Variants in KCNH1 observed in about 807,000 individuals in gnomAD.
KCNH1 encodes the protein potassium voltage-gated channel subfamily H member 1.
KCNH1 carries 27 observed loss-of-function variants against 69.2 expected under a neutral mutation model. The ratio of observed to expected loss-of-function variants is 0.39; its 90% CI spans 0.29 to 0.54. The LOEUF is 0.54. KCNH1 is among the 20% of genes least tolerant of loss of function. KCNH1 has a pLI of 0.68. For missense variants in KCNH1, 798 were observed against 1,261.6 expected (o/e 0.63, Z 5.57); for synonymous variants, 456 against 487.7 (o/e 0.93, Z 0.86).
Position 210,775,409 on chromosome 1 carries a change from T to C in KCNH1, c.2051A>G (p.Tyr684Cys). The change falls in exon 10 of 11, where the codon TAC (tyrosine) becomes TGC (cysteine). Residue 684 changes from tyrosine (Y) to cysteine (C), a missense_variant. Tyr to Cys is a radical substitution (Grantham distance 194). Coordinates refer to ENST00000271751, the MANE Select transcript of KCNH1 (RefSeq NM_172362.3). ...RDALQKVLEFYTAFSHSFSRN... is the reference protein window; with the variant it reads ...RDALQKVLEFCTAFSHSFSRN... ...GGAGAAGGAATGGGAGAAGGCCGTGTAGAATTCCAGCACTTTCTGCAGGGC... is the reference window on the plus strand; with the variant it reads ...GGAGAAGGAATGGGAGAAGGCCGTGCAGAATTCCAGCACTTTCTGCAGGGC... 6.2e-7 allele frequency: 1 copy of C among 1,614,158 alleles called. No homozygotes were observed. Among genetic ancestry groups the C allele is most frequent in the Non-Finnish European group, 8.5e-7 (1 of 1,180,000 alleles).
At chr1:210,992,240 C>T (rs982130006) in intron 6 of KCNH1, among the ~76,000 whole-genome samples, 9 of 152,148 alleles carry the variant, frequency 5.9e-5, no homozygotes, top group South Asian at 2.1e-4. Context: ...AGTACAAGCA[C>T]GTATCTAATA....
chr1:211,060,137 G>A (rs933636158), intron 5 of KCNH1, among the ~76,000 whole-genome samples: 3 of 151,818 alleles, frequency 2.0e-5, no homozygotes, highest in African/African-American at 4.8e-5. Flanking sequence ...AATGATCAGC[G>A]GGTCAATGAA....
At chr1:210,697,651 T>C (rs1681674249) in intron 10 of KCNH1, among the ~76,000 whole-genome samples, 3 of 152,266 alleles carry the variant, frequency 2.0e-5, no homozygotes, top group Non-Finnish European at 4.4e-5. Flanking sequence ...ACTCATGTTA[T>C]TGCCACTCAT....
chr1:210,831,184 T>G (rs1324811204), intron 7 of KCNH1, among the ~76,000 whole-genome samples: 1 of 152,248 alleles, frequency 6.6e-6, no homozygotes, highest in East Asian at 1.9e-4. Context: ...AGGAAAATAC[T>G]GTTGCCAACT....
At chr1:210,883,704 TAAAG>T (rs1686542998) in intron 7 of KCNH1, among the ~76,000 whole-genome samples, 1 of 152,242 alleles carries the variant, frequency 6.6e-6, no homozygotes, top group Admixed American at 6.5e-5. Flanking sequence ...TTGTAATGTG[TAAAG>T]AAAGAGCTAT....
At chr1:210,760,677 A>T (rs1158843039) in intron 10 of KCNH1, among the ~76,000 whole-genome samples, 1 of 152,232 alleles carries the variant, frequency 6.6e-6, no homozygotes, top group African/African-American at 2.4e-5. Context: ...CCTCACGATC[A>T]TGGCAAAAGC....
intron 5 of KCNH1, among the ~76,000 whole-genome samples, chr1:211,027,232 G>GTT (rs1689699969): frequency 6.6e-6 from 1 of 152,050 alleles, no homozygotes; most frequent in Non-Finnish European, 1.5e-5. Flanking sequence ...CTCAGCAAAG[G>GTT]AGATATAAGG....
At chr1:210,791,164 C>A (rs1684204264) in intron 9 of KCNH1, among the ~76,000 whole-genome samples, 1 of 152,144 alleles carries the variant, frequency 6.6e-6, no homozygotes, top group Non-Finnish European at 1.5e-5. Flanking sequence ...AAGAATTGGT[C>A]ATTTCTTGTG....
intron 7 of KCNH1, among the ~76,000 whole-genome samples, chr1:210,915,254 A>G (rs1038471460): frequency 2.6e-5 from 4 of 152,040 alleles, no homozygotes; most frequent in African/African-American, 9.7e-5. Flanking sequence ...TGTCCTTCCT[A>G]TCCACCTCCA....
chr1:210,884,278 C>T (rs1448487839), intron 7 of KCNH1, among the ~76,000 whole-genome samples: 1 of 152,170 alleles, frequency 6.6e-6, no homozygotes, highest in Non-Finnish European at 1.5e-5. Context: ...GTATCTACAT[C>T]AAAGCAACCT....
intron 7 of KCNH1, among the ~76,000 whole-genome samples, chr1:210,836,241 G>T (rs527903835): frequency 6.6e-6 from 1 of 152,192 alleles, no homozygotes; most frequent in South Asian, 2.1e-4. Flanking sequence ...AAGAGAGCAG[G>T]GTTTCAATGA....
chr1:210,841,814 T>C (rs1333243331), intron 7 of KCNH1, among the ~76,000 whole-genome samples: 2 of 152,178 alleles, frequency 1.3e-5, no homozygotes, highest in Non-Finnish European at 2.9e-5. Flanking sequence ...TCCTAATGAA[T>C]TGTTAATACT....
Position 211,103,584 on chromosome 1 carries a change from C to G in KCNH1, c.222G>C (p.Leu74=), listed in dbSNP as rs1421785844. Residue 74 remains leucine (L), a synonymous_variant, in exon 3 of 11, where the codon CTG becomes CTC. Coordinates refer to ENST00000271751, the MANE Select transcript of KCNH1 (RefSeq NM_172362.3). ...SSTCSFMYGE[L]TDKDTIEKVR... ...CTTTTTCAATCGTGTCTTTATCAGT[C>G]AGCTCCCCATACATAAAACTGCAAA... 1.2e-6 allele frequency: 2 copies of G among 1,612,386 alleles called. No individual in the cohort carries two copies. The highest frequency in any genetic ancestry group is 1.7e-6 in the Non-Finnish European group (2 of 1,179,114).
intron 5 of KCNH1, among the ~76,000 whole-genome samples, chr1:211,031,753 A>G (rs977976369): frequency 7.9e-5 from 12 of 152,182 alleles, no homozygotes; most frequent in African/African-American, 2.7e-4. Flanking sequence ...TATTGATGGG[A>G]TGTATCTCAA....
intron 10 of KCNH1, among the ~76,000 whole-genome samples, chr1:210,735,570 G>T (rs1443567486): frequency 6.6e-6 from 1 of 151,920 alleles, no homozygotes; most frequent in Non-Finnish European, 1.5e-5. Context: ...GCATCAGAGG[G>T]CAGAGATTCC....
intron 7 of KCNH1, among the ~76,000 whole-genome samples, chr1:210,807,021 A>AAT (rs1684598725): frequency 6.8e-6 from 1 of 147,620 alleles, no homozygotes; most frequent in African/African-American, 2.5e-5. Context: ...AAAAAAAAAA[A>AAT]TTCACAAGAA....
At chr1:210,970,858 G>A (rs1180278761) in intron 6 of KCNH1, among the ~76,000 whole-genome samples, 2 of 152,070 alleles carry the variant, frequency 1.3e-5, no homozygotes, top group African/African-American at 4.8e-5. Context: ...GCAACCTACA[G>A]AATGGGAGAA....
chr1:210,936,106 G>C (rs570621681), intron 6 of KCNH1, among the ~76,000 whole-genome samples: 1 of 152,324 alleles, frequency 6.6e-6, no homozygotes, highest in African/African-American at 2.4e-5. Flanking sequence ...CTTTCAGGTT[G>C]ATAGATAGTT....
chr1:211,045,041 G>GATATATACATAT (rs1164564038), intron 5 of KCNH1, among the ~76,000 whole-genome samples: 1 of 81,718 alleles, frequency 1.2e-5, no homozygotes, highest in Admixed American at 1.3e-4. Context: ...AATTGTGGGG[G>GATATATACATAT]ATATATATAT....
Sources: allele counts gnomAD v4.1 joint callset (sites outside exome capture counted in the v4.1 genomes callset), GRCh38; gene constraint gnomAD v4.1.1; transcripts MANE v1.5; gene names NCBI Gene and HGNC (gene_info 2026-07-23, HGNC 2026-07-21).